The following PDZRN4 variants were observed in gnomAD, a reference collection of about 807,000 sequenced individuals.
The protein encoded by PDZRN4 is PDZ domain-containing RING finger protein 4.
In PDZRN4, 70 loss-of-function variants were observed where a neutral mutation model predicts 99.0. The ratio of observed to expected loss-of-function variants is 0.71; its 90% CI spans 0.58 to 0.86. The LOEUF (loss-of-function observed/expected upper bound fraction) is 0.86. Ranked by LOEUF, PDZRN4 falls within the 40% of genes least tolerant of loss-of-function variation. The pLI, the probability that PDZRN4 is intolerant of heterozygous loss-of-function variation, is 0.00. For synonymous variants in PDZRN4, 551 were observed against 501.6 expected (o/e 1.10, Z -1.32); for missense variants, 1,474 against 1,331.2 (o/e 1.11, Z -1.67).
At chr12:41,441,300 T>C (rs75253172) in intron 3 of PDZRN4, among the ~76,000 whole-genome samples, 3,871 of 152,270 alleles carry the variant, frequency 0.025, 67 homozygotes, top group Non-Finnish European at 0.039. Context: ...AGACTAGCAC[T>C]AGTTCTCAGA....
chr12:41,263,052 G>C (rs901364043), intron 3 of PDZRN4, among the ~76,000 whole-genome samples: 2 of 151,916 alleles, frequency 1.3e-5, no homozygotes, highest in Non-Finnish European at 2.9e-5. Context: ...TCATGCTTAA[G>C]GTAACTTCAG....
At chr12:41,200,175 T>C (rs1231616596) in intron 3 of PDZRN4, among the ~76,000 whole-genome samples, 2 of 152,158 alleles carry the variant, frequency 1.3e-5, no homozygotes, top group African/African-American at 4.8e-5. Context: ...AATCTGTGGA[T>C]GGAGGCAGCC....
intron 3 of PDZRN4, among the ~76,000 whole-genome samples, chr12:41,194,563 G>A (rs772240545): frequency 1.3e-5 from 2 of 152,154 alleles, no homozygotes; most frequent in Non-Finnish European, 2.9e-5. Context: ...ATCACTCGAT[G>A]TTAAACCCAG....
intron 3 of PDZRN4, among the ~76,000 whole-genome samples, chr12:41,215,844 C>T (rs1950917251): frequency 1.0e-5 from 1 of 96,760 alleles, no homozygotes; most frequent in Non-Finnish European, 2.1e-5. Context: ...CACGCTAAGC[C>T]TCCATAGTTT....
intron 3 of PDZRN4, among the ~76,000 whole-genome samples, chr12:41,463,014 A>G (rs1749906076): frequency 6.6e-6 from 1 of 152,152 alleles, no homozygotes; most frequent in Admixed American, 6.5e-5. Flanking sequence ...CAGCCTTGTC[A>G]CCCTGATGCC....
chr12:41,235,857 C>T (rs1951063479), intron 3 of PDZRN4, among the ~76,000 whole-genome samples: 1 of 152,136 alleles, frequency 6.6e-6, no homozygotes, highest in African/African-American at 2.4e-5. Flanking sequence ...TTGAACATTA[C>T]CAGGCATCAG....
chr12:41,454,280 G>A (rs1952800383), intron 3 of PDZRN4, among the ~76,000 whole-genome samples: 1 of 152,184 alleles, frequency 6.6e-6, no homozygotes, highest in African/African-American at 2.4e-5. Flanking sequence ...GAATGTGTTA[G>A]GGGAAAAATA....
chr12:41,285,364 G>C (rs1476237189), intron 3 of PDZRN4, among the ~76,000 whole-genome samples: 1 of 152,146 alleles, frequency 6.6e-6, no homozygotes, highest in African/African-American at 2.4e-5. Context: ...AACAGAACCT[G>C]CAGAGGATGT....
At chr12:41,225,489 A>G (rs1213631174) in intron 3 of PDZRN4, among the ~76,000 whole-genome samples, 1 of 151,946 alleles carries the variant, frequency 6.6e-6, no homozygotes, top group South Asian at 2.1e-4. Flanking sequence ...CCAAACACAT[A>G]TAATTGTGGA....
intron 3 of PDZRN4, among the ~76,000 whole-genome samples, chr12:41,465,296 G>A (rs1162321837): frequency 6.6e-6 from 1 of 152,094 alleles, no homozygotes; most frequent in East Asian, 1.9e-4. Context: ...GGACAAATAT[G>A]GAAGAGAAAA....
chr12:41,545,358 T>G (rs1485979201), intron 5 of PDZRN4, among the ~76,000 whole-genome samples: 5 of 152,182 alleles, frequency 3.3e-5, no homozygotes, highest in Admixed American at 6.5e-5. Flanking sequence ...TCAATGTTTC[T>G]CTGTTTGGAA....
intron 3 of PDZRN4, among the ~76,000 whole-genome samples, chr12:41,245,538 C>T (rs935904165): frequency 4.6e-5 from 7 of 151,912 alleles, no homozygotes; most frequent in Admixed American, 4.6e-4. Context: ...AATAGGATAC[C>T]TAGGATTGGC....
rs1338427261 is a variant in PDZRN4 at position 41,489,652 on chromosome 12, A to C, written c.844-16804A>C. Among the ~76,000 whole-genome samples, 4 of 149,192 alleles carry C rather than the reference A, an allele frequency of 2.7e-5. No homozygotes were observed. In the East Asian group the frequency reaches 7.8e-4, roughly 29 times the overall value. ...AAAGATTTAGACTTCATAAAGCTTA[A>C]ATATTTTACTGAGATTTCCAGGTTT... On this transcript the variant is annotated intron_variant, in intron 3 of 9. Coordinates refer to ENST00000402685, the MANE Select transcript of PDZRN4 (RefSeq NM_001164595.2).
chr12:41,344,795 C>T (rs1055160531), intron 3 of PDZRN4, among the ~76,000 whole-genome samples: 1 of 148,208 alleles, frequency 6.7e-6, no homozygotes, highest in African/African-American at 2.5e-5. Context: ...TAAAATTTTA[C>T]ATAATTATCG....
At chr12:41,278,686 C>T (rs1241954358) in intron 3 of PDZRN4, among the ~76,000 whole-genome samples, 5 of 152,134 alleles carry the variant, frequency 3.3e-5, no homozygotes, top group African/African-American at 1.2e-4. Context: ...TCCAGTAGTT[C>T]CCTTGAAAGT....
intron 3 of PDZRN4, among the ~76,000 whole-genome samples, chr12:41,230,020 C>A (rs545671147): frequency 1.5e-3 from 225 of 152,054 alleles, no homozygotes; most frequent in African/African-American, 5.3e-3. Context: ...TGGGGATTTC[C>A]TTATAATTCA....
At chr12:41,382,618 T>C (rs1274875482) in intron 3 of PDZRN4, among the ~76,000 whole-genome samples, 1 of 152,198 alleles carries the variant, frequency 6.6e-6, no homozygotes, top group Admixed American at 6.5e-5. Context: ...TTTACATATG[T>C]ACTAATCAGC....
At chr12:41,357,347 T>G (rs1353613642) in intron 3 of PDZRN4, among the ~76,000 whole-genome samples, 1 of 151,956 alleles carries the variant, frequency 6.6e-6, no homozygotes. Flanking sequence ...TTTATACTAC[T>G]ATATACATCT....
chr12:41,429,439 A>G (rs2065899288), intron 3 of PDZRN4, among the ~76,000 whole-genome samples: 1 of 152,226 alleles, frequency 6.6e-6, no homozygotes, highest in Non-Finnish European at 1.5e-5. Context: ...AGGACACAAC[A>G]GGGAACCTGG....
Sources: allele counts gnomAD v4.1 joint callset (sites outside exome capture counted in the v4.1 genomes callset), GRCh38; gene constraint gnomAD v4.1.1; transcripts MANE v1.5; gene names NCBI Gene and HGNC (gene_info 2026-07-23, HGNC 2026-07-21).